The following MAP3K7CL variants were observed in gnomAD, a reference collection of about 807,000 sequenced individuals.
MAP3K7CL encodes MAP3K7 C-terminal-like protein.
MAP3K7CL carries 16 observed loss-of-function variants against 18.6 expected under a neutral mutation model. That is an observed-to-expected ratio of 0.86 (90% confidence interval 0.58 to 1.31). The LOEUF (loss-of-function observed/expected upper bound fraction) is 1.31. MAP3K7CL is among the 50% of genes most tolerant of loss of function. MAP3K7CL has a pLI of 0.00. For missense variants in MAP3K7CL, 163 were observed against 174.4 expected (o/e 0.93, Z 0.37); for synonymous variants, 65 against 66.8 (o/e 0.97, Z 0.13).
chr21:29,109,605 A>T, intron 4 of MAP3K7CL: 1 of 1,001,358 alleles, frequency 1.0e-6, no homozygotes, highest in Non-Finnish European at 1.2e-6. Context: ...ATAGCACATT[A>T]TTCCCCTCGT....
At chr21:29,139,125 T>C (rs552027000) in intron 2 of MAP3K7CL, among the ~76,000 whole-genome samples, 1 of 152,336 alleles carries the variant, frequency 6.6e-6, no homozygotes, top group South Asian at 2.1e-4. Flanking sequence ...GGATGTTTTG[T>C]GTGGTAGGGA....
intron 4 of MAP3K7CL, among the ~76,000 whole-genome samples, chr21:29,099,178 C>T (rs2086175954): frequency 6.6e-6 from 1 of 151,652 alleles, no homozygotes; most frequent in Admixed American, 6.6e-5. Context: ...GCAGCTTTGA[C>T]TTTCTGGGCT....
chr21:29,110,644 C>A (rs2086403025), intron 4 of MAP3K7CL, among the ~76,000 whole-genome samples: 1 of 152,078 alleles, frequency 6.6e-6, no homozygotes, highest in Non-Finnish European at 1.5e-5. Context: ...TGATCCACCC[C>A]CGCTCAGTCT....
chr21:29,159,283 C>T (rs1283156690), intron 3 of MAP3K7CL, among the ~76,000 whole-genome samples: 1 of 152,054 alleles, frequency 6.6e-6, no homozygotes, highest in Non-Finnish European at 1.5e-5. Context: ...CACCATGTTG[C>T]GGTCAGAAAG....
At chr21:29,125,890 A>G (rs1387492992), upstream of MAP3K7CL, among the ~76,000 whole-genome samples, 2 of 152,192 alleles carry the variant, frequency 1.3e-5, no homozygotes, top group African/African-American at 2.4e-5. Flanking sequence ...CTTTCTTACC[A>G]TGGCCTGCAC....
intron 4 of MAP3K7CL, among the ~76,000 whole-genome samples, chr21:29,125,473 G>A (rs1359840004): frequency 1.3e-5 from 2 of 152,198 alleles, no homozygotes; most frequent in Non-Finnish European, 2.9e-5. Flanking sequence ...ATGATATAGG[G>A]TTGATCATTC....
chr21:29,113,538 C>G (rs969462295), intron 4 of MAP3K7CL, among the ~76,000 whole-genome samples: 2 of 152,182 alleles, frequency 1.3e-5, no homozygotes, highest in African/African-American at 4.8e-5. Context: ...ATTGCAACCT[C>G]TGCCTCCTGG....
chr21:29,101,205 GCAA>G (rs2086224212), intron 4 of MAP3K7CL, among the ~76,000 whole-genome samples: 1 of 152,142 alleles, frequency 6.6e-6, no homozygotes, highest in Admixed American at 6.5e-5. Context: ...GATAGGTCAT[GCAA>G]AATGCCATTT....
chr21:29,113,560 T>G (rs114777190), intron 4 of MAP3K7CL, among the ~76,000 whole-genome samples: 2,795 of 152,224 alleles, frequency 0.018, 91 homozygotes, highest in African/African-American at 0.064. Context: ...CTCAAGCAAT[T>G]CTTGTGCCAG....
intron 4 of MAP3K7CL, among the ~76,000 whole-genome samples, chr21:29,115,410 A>G (rs1273314563): frequency 6.6e-6 from 1 of 152,096 alleles, no homozygotes; most frequent in African/African-American, 2.4e-5. Context: ...GAGTGAAATC[A>G]ACATTCTTTT....
intron 3 of MAP3K7CL, among the ~76,000 whole-genome samples, chr21:29,155,308 T>G (rs1412462044): frequency 1.3e-5 from 2 of 152,226 alleles, no homozygotes; most frequent in Non-Finnish European, 2.9e-5. Context: ...TCAGCGAGTG[T>G]AGAATGTTTA....
chr21:29,128,983 T>C (rs1179507978), upstream of MAP3K7CL, among the ~76,000 whole-genome samples: 2 of 152,226 alleles, frequency 1.3e-5, no homozygotes, highest in Admixed American at 1.3e-4. Context: ...GTTGTATATA[T>C]CATAACAAAT....
chr21:29,080,845 A>T (rs2085823927), intron 1 of MAP3K7CL: 2 of 151,682 alleles, frequency 1.3e-5, no homozygotes, highest in Non-Finnish European at 2.9e-5. Flanking sequence ...TGTTTCCTGC[A>T]TGCTGTATGA....
chr21:29,085,618 T>G (rs898495708), upstream of MAP3K7CL, among the ~76,000 whole-genome samples: 1 of 151,492 alleles, frequency 6.6e-6, no homozygotes, highest in Non-Finnish European at 1.5e-5. Context: ...TAATATCTTT[T>G]GGTTCTTGTT....
In MAP3K7CL at chr21:29,174,924, T is replaced by G. The variant is rs376296213; in HGVS notation, c.*32T>G. ...ATTTTTCAGTGTGAGCATACGAGGCTGATGACTGCCCTGTGCTGGCCAAAA... is the reference window on the plus strand; with the variant it reads ...ATTTTTCAGTGTGAGCATACGAGGCGGATGACTGCCCTGTGCTGGCCAAAA... On this transcript the variant is annotated 3_prime_UTR_variant, in exon 5 of 5. Transcript: ENST00000399928. 2.5e-6 allele frequency: 4 copies of G among 1,602,500 alleles called. No homozygotes were observed. The African/African-American group carries it at 5.4e-5, about 21-fold the overall frequency.
At chr21:29,094,260 A>G (rs1337657754) in intron 4 of MAP3K7CL, among the ~76,000 whole-genome samples, 7 of 152,224 alleles carry the variant, frequency 4.6e-5, no homozygotes, top group African/African-American at 1.7e-4. Flanking sequence ...AACAACAATT[A>G]TCTGGCCCCA....
chr21:29,109,332 A>G, intron 4 of MAP3K7CL: 1 of 1,401,784 alleles, frequency 7.1e-7, no homozygotes, highest in East Asian at 2.6e-5. Flanking sequence ...TCCTTCTAGT[A>G]ATTAATTTGA....
At chr21:29,125,721 G>A (rs1018967072), upstream of MAP3K7CL, among the ~76,000 whole-genome samples, 2 of 152,172 alleles carry the variant, frequency 1.3e-5, no homozygotes, top group Non-Finnish European at 2.9e-5. Context: ...GTTTGAGAAG[G>A]AGTAACAACA....
rs1015778371 is a variant in MAP3K7CL at position 29,138,709 on chromosome 21, C to T, written c.70+5295C>T. On this transcript the variant is annotated intron_variant, in intron 2 of 4. Coordinates refer to ENST00000399928, the MANE Select transcript of MAP3K7CL (RefSeq NM_001286620.2). ...TTTAAAAATTCTTTCTGGCCAGGCA[C>T]GGTGGCTCATACCTATAATCCCAGC... 3.9e-5 allele frequency among the ~76,000 whole-genome samples: 6 copies of T among 152,168 alleles called. No homozygotes were observed. In the South Asian group the frequency reaches 6.2e-4, roughly 16 times the overall value.
Sources: gnomAD v4.1 joint callset for allele counts (sites outside exome capture counted in the v4.1 genomes callset) on GRCh38, gnomAD v4.1.1 for gene constraint, MANE v1.5 for transcripts, NCBI Gene and HGNC (gene_info 2026-07-23, HGNC 2026-07-21) for gene names.